The following ARHGEF33 variants were observed in gnomAD, a reference collection of about 807,000 sequenced individuals.
ARHGEF33 encodes DH and coiled-coil domain-containing protein ENSP00000381780.
A neutral mutation model predicts 101.9 loss-of-function variants in ARHGEF33; 72 were observed. The observed-to-expected ratio is 0.71, with a 90% CI of 0.58 to 0.86. ARHGEF33 has a LOEUF of 0.86. Among genes scored for constraint, ARHGEF33 ranks in the 40% least tolerant of loss-of-function variants. The pLI is 0.00. For synonymous variants in ARHGEF33, 499 were observed against 442.5 expected (o/e 1.13, Z -1.60); for missense variants, 1,169 against 1,111.3 (o/e 1.05, Z -0.74).
At chr2:38,910,468 G>C (rs1666485230) in intron 2 of ARHGEF33, among the ~76,000 whole-genome samples, 1 of 152,340 alleles carries the variant, frequency 6.6e-6, no homozygotes, top group East Asian at 1.9e-4. Flanking sequence ...AGCTACTCGG[G>C]AGGCTGAGGC....
At chr2:38,898,455 G>C (rs1666167806) in intron 2 of ARHGEF33, among the ~76,000 whole-genome samples, 1 of 152,272 alleles carries the variant, frequency 6.6e-6, no homozygotes, top group Admixed American at 6.5e-5. Context: ...CTGTCTTCCA[G>C]GCACTCCAGA....
intron 9 of ARHGEF33, among the ~76,000 whole-genome samples, chr2:38,941,070 C>A (rs897765928): frequency 3.3e-5 from 5 of 152,200 alleles, no homozygotes; most frequent in Admixed American, 6.5e-5. Flanking sequence ...AGTTACAAAT[C>A]TTGCCACCTC....
intron 2 of ARHGEF33, among the ~76,000 whole-genome samples, chr2:38,903,036 A>G (rs1666284425): frequency 6.6e-6 from 1 of 152,120 alleles, no homozygotes; most frequent in Non-Finnish European, 1.5e-5. Context: ...ATAGGAACGA[A>G]ATAGGCCTTG....
At chr2:38,904,106 T>A (rs570130294) in intron 2 of ARHGEF33, among the ~76,000 whole-genome samples, 1 of 152,338 alleles carries the variant, frequency 6.6e-6, no homozygotes, top group Non-Finnish European at 1.5e-5. Flanking sequence ...AAAATTTGTT[T>A]TGATTCCTAT....
intron 4 of ARHGEF33, 123 bp downstream of exon 4, chr2:38,921,546 T>G (rs1338462686): frequency 1.4e-6 from 1 of 701,432 alleles, no homozygotes; most frequent in Non-Finnish European, 2.5e-6. Flanking sequence ...CTTGTTCTCT[T>G]AACAGGGCTG....
chr2:38,936,134 G>C (rs985618014), intron 8 of ARHGEF33, among the ~76,000 whole-genome samples: 2 of 152,198 alleles, frequency 1.3e-5, no homozygotes, highest in African/African-American at 4.8e-5. Flanking sequence ...AATGTAGCAT[G>C]ATGTAAGTTT....
intron 4 of ARHGEF33, among the ~76,000 whole-genome samples, chr2:38,921,677 C>A (rs1038679672): frequency 5.9e-5 from 9 of 152,130 alleles, no homozygotes; most frequent in Non-Finnish European, 1.2e-4. Flanking sequence ...GGCTCAAGCT[C>A]AGCTTCCTGA....
At chr2:38,939,117 C>A (rs1455885525) in intron 9 of ARHGEF33, among the ~76,000 whole-genome samples, 1 of 152,064 alleles carries the variant, frequency 6.6e-6, no homozygotes, top group African/African-American at 2.4e-5. Flanking sequence ...GGATTACAGG[C>A]GTGCACCACC....
chr2:38,955,800 C>T (rs762239463), intron 13 of ARHGEF33, among the ~76,000 whole-genome samples: 11 of 152,074 alleles, frequency 7.2e-5, no homozygotes, highest in African/African-American at 1.9e-4. Flanking sequence ...CTTCAGCCTC[C>T]GGAGTAGCTG....
chr2:38,950,929 TG>T, intron 10 of ARHGEF33, 59 bp from the exon 11 acceptor site: 1 of 1,493,038 alleles, frequency 6.7e-7, no homozygotes, highest in East Asian at 2.5e-5. Context: ...CATGTATTTT[TG>T]TAGGGTCCTT....
At chr2:38,971,803 TAA>T in intron 17 of ARHGEF33, 2 of 718,160 alleles carry the variant, frequency 2.8e-6, no homozygotes, top group Admixed American at 2.0e-5. Flanking sequence ...GAAGAGCAGT[TAA>T]AAAAATTTAA....
intron 9 of ARHGEF33, among the ~76,000 whole-genome samples, chr2:38,939,301 T>C (rs1413171034): frequency 6.6e-6 from 1 of 152,200 alleles, no homozygotes; most frequent in Non-Finnish European, 1.5e-5. Context: ...TACAAATTTT[T>C]TTTTAGTGGG....
intron 3 of ARHGEF33, among the ~76,000 whole-genome samples, chr2:38,920,120 C>T (rs1207009122): frequency 1.3e-5 from 2 of 152,158 alleles, no homozygotes; most frequent in Non-Finnish European, 2.9e-5. Context: ...GACTTAAATA[C>T]TGAGGTTGGA....
At chr2:38,930,939 G>T (rs142474097) in intron 6 of ARHGEF33, among the ~76,000 whole-genome samples, 170 bp from the exon 7 acceptor site, 1 of 152,178 alleles carries the variant, frequency 6.6e-6, no homozygotes, top group African/African-American at 2.4e-5. Context: ...GAATTAAGTT[G>T]AACCATATGA....
chr2:38,960,744 G>A, intron 16 of ARHGEF33, 96 bp downstream of exon 16: 1 of 1,006,180 alleles, frequency 9.9e-7, no homozygotes, highest in Non-Finnish European at 1.2e-6. Flanking sequence ...AGAGGAGCGG[G>A]GCCGGGCCAG....
At chr2:38,966,357 C>T (rs774449393) in intron 17 of ARHGEF33, among the ~76,000 whole-genome samples, 13 of 152,302 alleles carry the variant, frequency 8.5e-5, no homozygotes, top group Middle Eastern at 3.4e-3. Flanking sequence ...TGCCCTGCCT[C>T]TTCTGTCTTT....
intron 4 of ARHGEF33, among the ~76,000 whole-genome samples, chr2:38,928,537 C>T (rs1666922880): frequency 6.6e-6 from 1 of 152,140 alleles, no homozygotes; most frequent in African/African-American, 2.4e-5. Context: ...GACCCATTTT[C>T]TTCTTTCACA....
At chr2:38,972,724 C>G (rs1230236451) in intron 17 of ARHGEF33, among the ~76,000 whole-genome samples, 1 of 152,158 alleles carries the variant, frequency 6.6e-6, no homozygotes, top group Non-Finnish European at 1.5e-5. Flanking sequence ...TCAACAGTAG[C>G]AAACCAATGA....
Position 38,946,538 on chromosome 2 carries a change from T to C in ARHGEF33, c.920+2508T>C, listed in dbSNP as rs554126005. Among the ~76,000 whole-genome samples, 34 of 152,348 alleles carry C rather than the reference T, an allele frequency of 2.2e-4. 4 individuals are homozygous for C. The South Asian group carries it at 6.2e-3, about 28-fold the overall frequency. On this transcript the variant is annotated intron_variant, in intron 10 of 17. Transcript: ENST00000409978. ...CTGAGCTTGGTGGTACTGCCGTTTT[T>C]CTATTTTAGGGTTAGATTTTCATTA... is the stretch of plus-strand genomic sequence containing the variant.
Sources: gnomAD v4.1 joint callset for allele counts (sites outside exome capture counted in the v4.1 genomes callset) on GRCh38, gnomAD v4.1.1 for gene constraint, MANE v1.5 for transcripts, NCBI Gene and HGNC (gene_info 2026-07-23, HGNC 2026-07-21) for gene names.